MTAP: variants seen among roughly 807,000 people sequenced by gnomAD.
MTAP encodes S-methyl-5'-thioadenosine phosphorylase.
A neutral mutation model predicts 33.6 loss-of-function variants in MTAP; 33 were observed. That is an observed-to-expected ratio of 0.98 (90% CI 0.74 to 1.31). The LOEUF (loss-of-function observed/expected upper bound fraction) is 1.31, where lower values mean the gene tolerates loss of function less well. Ranked by LOEUF, MTAP falls within the 40% of genes most tolerant of loss-of-function variation. The probability of loss-of-function intolerance (pLI) is 0.00; values close to 1 mark genes in which losing one functional copy is unlikely to be tolerated. For missense variants in MTAP, 367 were observed against 360.0 expected, an observed-to-expected ratio of 1.02 and a Z score of -0.16; for synonymous variants, 148 against 125.7, an observed-to-expected ratio of 1.18 and a Z score of -1.19.
intron 1 of MTAP, among the ~76,000 whole-genome samples, chr9:21,925,575 G>T (rs965316950): frequency 3.3e-5 from 5 of 152,240 alleles, no homozygotes; most frequent in African/African-American, 7.2e-5. Flanking sequence ...TGCCATCAGT[G>T]TGGGAAGCCA....
intron 5 of MTAP, among the ~76,000 whole-genome samples, chr9:21,843,418 A>C (rs1320403317): frequency 6.6e-6 from 1 of 152,202 alleles, no homozygotes; most frequent in African/African-American, 2.4e-5. Flanking sequence ...AATGGACTTA[A>C]CAAATATATA....
intron 5 of MTAP, among the ~76,000 whole-genome samples, chr9:21,849,894 A>C (rs543787315): frequency 1.3e-5 from 2 of 152,352 alleles, no homozygotes; most frequent in African/African-American, 4.8e-5. Context: ...CCTGGTATGC[A>C]GCCATTGACT....
chr9:21,815,293 A>G, intron 1 of MTAP, 140 bp from the exon 2 acceptor site: 1 of 564,326 alleles, frequency 1.8e-6, no homozygotes, highest in Admixed American at 3.7e-5. Context: ...ATTGATGTTC[A>G]GTAATTTTCA....
At chr9:21,897,385 A>G (rs900818726) in intron 1 of MTAP, among the ~76,000 whole-genome samples, 8 of 151,990 alleles carry the variant, frequency 5.3e-5, no homozygotes, top group Admixed American at 1.3e-4. Flanking sequence ...AGCCAGGGCA[A>G]TCAGGCAAGA....
At chr9:21,880,268 A>G (rs932269886) in intron 1 of MTAP, among the ~76,000 whole-genome samples, 4 of 152,106 alleles carry the variant, frequency 2.6e-5, no homozygotes, top group Non-Finnish European at 4.4e-5. Context: ...TCATTTTACA[A>G]GAAGGCCCTC....
chr9:21,880,474 C>A (rs1227206830), intron 1 of MTAP, among the ~76,000 whole-genome samples: 2 of 152,024 alleles, frequency 1.3e-5, no homozygotes, highest in African/African-American at 4.8e-5. Context: ...AATTCCCAGA[C>A]AACATAATCT....
At chr9:21,858,642 A>G (rs567759242) in intron 6 of MTAP, among the ~76,000 whole-genome samples, 4 of 152,248 alleles carry the variant, frequency 2.6e-5, no homozygotes, top group Admixed American at 1.3e-4. Flanking sequence ...ATCCAACCCC[A>G]TGATCCAACC....
downstream of MTAP, chr9:21,935,499 A>G (rs1011786947): frequency 6.6e-6 from 1 of 151,962 alleles, no homozygotes; most frequent in Non-Finnish European, 1.5e-5. Context: ...TTTTAACCAT[A>G]AATTCCAGGA....
intron 1 of MTAP, among the ~76,000 whole-genome samples, chr9:21,889,425 T>G (rs1372399067): frequency 6.6e-6 from 1 of 152,170 alleles, no homozygotes; most frequent in Non-Finnish European, 1.5e-5. Flanking sequence ...CCATTGCTGG[T>G]GATCTAGTGT....
chr9:21,835,117 T>C (rs1437168274), intron 4 of MTAP, among the ~76,000 whole-genome samples: 1 of 152,188 alleles, frequency 6.6e-6, no homozygotes, highest in African/African-American at 2.4e-5. Flanking sequence ...CACCTTCTTA[T>C]TGTGTCCTTA....
chr9:21,938,353 A>G (rs995851165), downstream of MTAP, among the ~76,000 whole-genome samples: 25 of 151,562 alleles, frequency 1.6e-4, no homozygotes, highest in African/African-American at 6.1e-4. Flanking sequence ...TGGGAGGATC[A>G]CCTGAACCTA....
At chr9:21,815,407 A>G (rs1563831114) in intron 1 of MTAP, 26 bp from the exon 2 acceptor site, 1 of 1,462,280 alleles carries the variant, frequency 6.8e-7, no homozygotes, top group Non-Finnish European at 9.4e-7. Context: ...AAATACAATA[A>G]TCTTCTCTGT....
intron 1 of MTAP, among the ~76,000 whole-genome samples, chr9:21,927,142 C>T (rs554394663): frequency 5.3e-5 from 8 of 152,166 alleles, no homozygotes; most frequent in African/African-American, 1.9e-4. Context: ...CTAACCAAAC[C>T]GTTTCAGCTT....
chr9:21,935,089 T>C (rs1819021513), downstream of MTAP: 1 of 152,204 alleles, frequency 6.6e-6, no homozygotes, highest in African/African-American at 2.4e-5. Context: ...AATAATGAGA[T>C]GTTGACTAGC....
chr9:21,837,816 G>T, intron 4 of MTAP, 92 bp from the exon 5 acceptor site: 1 of 923,406 alleles, frequency 1.1e-6, no homozygotes, highest in South Asian at 1.5e-5. Context: ...CCCAAATATT[G>T]ACCTAGATAA....
At chr9:21,874,530 T>C (rs1381022106) in intron 1 of MTAP, among the ~76,000 whole-genome samples, 1 of 152,168 alleles carries the variant, frequency 6.6e-6, no homozygotes. Flanking sequence ...TGCTGTATGT[T>C]CATGGACCAT....
intron 1 of MTAP, among the ~76,000 whole-genome samples, chr9:21,890,954 G>A (rs1452763963): frequency 6.6e-6 from 1 of 152,126 alleles, no homozygotes; most frequent in Non-Finnish European, 1.5e-5. Context: ...CTGCAAGTTA[G>A]TCCTGCTTTG....
At chr9:21,839,689 C>T (rs973518674) in intron 5 of MTAP, among the ~76,000 whole-genome samples, 5 of 152,138 alleles carry the variant, frequency 3.3e-5, no homozygotes, top group Admixed American at 1.3e-4. Context: ...GTAAATAGTG[C>T]TGCCACTTGG....
chr9:21,911,591 GA>G (rs1237722942), intron 1 of MTAP, among the ~76,000 whole-genome samples: 2 of 152,028 alleles, frequency 1.3e-5, no homozygotes, highest in East Asian at 3.9e-4. Flanking sequence ...CGAGAACAAA[GA>G]CACAACATAC....
Sources: gnomAD v4.1 joint callset for allele counts (sites outside exome capture counted in the v4.1 genomes callset) on GRCh38, gnomAD v4.1.1 for gene constraint, MANE v1.5 for transcripts, NCBI Gene and HGNC (gene_info 2026-07-23, HGNC 2026-07-21) for gene names.